ZNF475: variants seen among roughly 807,000 people sequenced by gnomAD.
The protein encoded by ZNF475 is zinc finger protein 475.
the ZNF475 span, among the ~76,000 whole-genome samples, chr5:122,172,949 C>T: frequency 6.6e-6 from 1 of 151,902 alleles, no homozygotes; most frequent in Non-Finnish European, 1.5e-5. Flanking sequence ...AGGAGAATGG[C>T]GTGAACCCGG....
At chr5:122,175,083 T>C in the ZNF475 span, among the ~76,000 whole-genome samples, 2 of 152,204 alleles carry the variant, frequency 1.3e-5, no homozygotes, top group African/African-American at 2.4e-5. Context: ...TTTATTGGCA[T>C]AAGTTAATAT....
chr5:122,179,229 T>A, the ZNF475 span, among the ~76,000 whole-genome samples: 3 of 152,336 alleles, frequency 2.0e-5, no homozygotes, highest in Admixed American at 6.5e-5. Flanking sequence ...ACGAGCTCTT[T>A]TTTTGGTTCA....
At chr5:122,182,080 C>A in the ZNF475 span, among the ~76,000 whole-genome samples, 1 of 152,162 alleles carries the variant, frequency 6.6e-6, no homozygotes, top group African/African-American at 2.4e-5. Flanking sequence ...CATGCTCATT[C>A]CCCTTTGTAA....
At chr5:122,179,961 A>T in the ZNF475 span, 1 of 316,518 alleles carries the variant, frequency 3.2e-6, no homozygotes, top group Non-Finnish European at 5.7e-6. Flanking sequence ...CATGAGAGGG[A>T]CCTATGGGAA....
the ZNF475 span, among the ~76,000 whole-genome samples, chr5:122,160,787 GC>G: frequency 6.6e-6 from 1 of 152,126 alleles, no homozygotes; most frequent in Non-Finnish European, 1.5e-5. Context: ...TGTCTTCAAA[GC>G]CTTTTTCCCC....
chr5:122,169,560 G>T, the ZNF475 span, among the ~76,000 whole-genome samples: 1 of 152,114 alleles, frequency 6.6e-6, no homozygotes, highest in East Asian at 1.9e-4. Context: ...GCTAAGACTG[G>T]CCATGGCTGA....
chr5:122,169,069 T>C, the ZNF475 span, among the ~76,000 whole-genome samples: 550 of 152,308 alleles, frequency 3.6e-3, 5 homozygotes, highest in African/African-American at 0.012. Context: ...GTGGAACAGA[T>C]TGATCCTCAC....
the ZNF475 span, chr5:122,182,642 A>G: frequency 6.5e-7 from 1 of 1,534,444 alleles, no homozygotes; most frequent in Non-Finnish European, 8.7e-7. Flanking sequence ...CCGCCAAGTA[A>G]AGCCCTTTTC....
chr5:122,167,481 T>A, the ZNF475 span, among the ~76,000 whole-genome samples: 6 of 152,220 alleles, frequency 3.9e-5, no homozygotes, highest in African/African-American at 7.2e-5. Flanking sequence ...AGAATAGAGA[T>A]CATTTGAAAT....
chr5:122,173,617 CT>C, the ZNF475 span, among the ~76,000 whole-genome samples: 1 of 152,156 alleles, frequency 6.6e-6, no homozygotes, highest in Non-Finnish European at 1.5e-5. Context: ...GAAAAAGATG[CT>C]GTGTGGAAAA....
chr5:122,165,412 G>A, the ZNF475 span, among the ~76,000 whole-genome samples: 1 of 152,128 alleles, frequency 6.6e-6, no homozygotes, highest in African/African-American at 2.4e-5. Context: ...GTCAGTTCTA[G>A]GCCCAGTTGT....
chr5:122,170,332 T>A, the ZNF475 span, among the ~76,000 whole-genome samples: 1 of 152,216 alleles, frequency 6.6e-6, no homozygotes, highest in Admixed American at 6.5e-5. Context: ...CAATCTCCAC[T>A]ACTGGGACGC....
At chr5:122,177,207 AT>A in the ZNF475 span, among the ~76,000 whole-genome samples, 1 of 152,228 alleles carries the variant, frequency 6.6e-6, no homozygotes, top group African/African-American at 2.4e-5. Context: ...TCTGCAATTG[AT>A]GAGCTGTTCT....
the ZNF475 span, among the ~76,000 whole-genome samples, chr5:122,168,643 G>A: frequency 6.6e-6 from 1 of 152,198 alleles, no homozygotes. Context: ...AACCCAGGAG[G>A]CAGAACTTGC....
the ZNF475 span, among the ~76,000 whole-genome samples, chr5:122,165,037 G>T: frequency 6.6e-6 from 1 of 152,204 alleles, no homozygotes; most frequent in African/African-American, 2.4e-5. Context: ...CCCACTGTTA[G>T]GGCAAGTTCT....
At chr5:122,175,402 T>A in the ZNF475 span, among the ~76,000 whole-genome samples, 1 of 152,200 alleles carries the variant, frequency 6.6e-6, no homozygotes, top group African/African-American at 2.4e-5. Flanking sequence ...ATTTCTGTTT[T>A]CATGCCACCT....
chr5:122,169,672 CG>C, the ZNF475 span, among the ~76,000 whole-genome samples: 11 of 151,948 alleles, frequency 7.2e-5, no homozygotes, highest in Non-Finnish European at 1.2e-4. Flanking sequence ...AGTCAAGAGG[CG>C]GGGGGTGGAG....
At chr5:122,166,282 T>C in the ZNF475 span, among the ~76,000 whole-genome samples, 1 of 152,234 alleles carries the variant, frequency 6.6e-6, no homozygotes, top group Admixed American at 6.5e-5. Context: ...CATACACATT[T>C]ACATACTAAT....
the ZNF475 span, chr5:122,179,785 C>T: frequency 1.6e-6 from 2 of 1,230,554 alleles, no homozygotes; most frequent in South Asian, 1.9e-5. Flanking sequence ...TCTCTCTAAA[C>T]TAATAAGAGC....
Sources: gnomAD v4.1 joint callset for allele counts (sites outside exome capture counted in the v4.1 genomes callset) on GRCh38, gnomAD v4.1.1 for gene constraint, MANE v1.5 for transcripts, NCBI Gene and HGNC (gene_info 2026-07-23, HGNC 2026-07-21) for gene names.